The following MYH11 variants were observed in gnomAD, a reference collection of about 807,000 sequenced individuals.
MYH11 encodes myosin-11.
MYH11 carries 80 observed loss-of-function variants against 246.6 expected under a neutral mutation model. The observed-to-expected ratio is 0.32, with a 90% CI of 0.27 to 0.39. The LOEUF is 0.39. Among genes scored for constraint, MYH11 ranks in the 10% least tolerant of loss-of-function variants. The pLI is 1.00. For missense variants in MYH11, 2,158 were observed against 2,546.8 expected (o/e 0.85, Z 3.29); for synonymous variants, 1,071 against 1,015.5 (o/e 1.05, Z -1.04).
At position 15,750,166 on chromosome 16, in the gene MYH11, C is replaced by T. The variant is rs1478913138; in HGVS notation, c.2030G>A (p.Arg677His). The change falls in exon 16 of 41, where the codon CGC (arginine) becomes CAC (histidine). Residue 677 changes from arginine to histidine, a missense_variant. Transcript: ENST00000300036. This position sits in a 1 kb window ranked among gnomAD's most constrained non-coding sequence, Gnocchi z 4.3. ...TLRNTTPNFVRCIIPNHEKRS... is the reference protein window; with the variant it reads ...TLRNTTPNFVHCIIPNHEKRS... ...CTTCTCGTGGTTGGGGATGATGCAGCGCACGAAGTTGGGCGTGGTGTTGCG... is the reference window on the plus strand; with the variant it reads ...CTTCTCGTGGTTGGGGATGATGCAGTGCACGAAGTTGGGCGTGGTGTTGCG... 1.2e-6 allele frequency: 2 copies of T among 1,614,218 alleles called. No individual in the cohort carries two copies. The highest frequency in any genetic ancestry group is 1.7e-6 in the Non-Finnish European group (2 of 1,180,046).
At position 15,750,041 on chromosome 16, in the gene MYH11, CG is replaced by C; in HGVS notation, c.2058+96del. On this transcript the variant is annotated intron_variant, in intron 16 of 40. Transcript: ENST00000300036. The surrounding 1 kb of genome is among the most constrained non-coding windows in gnomAD (Gnocchi z 4.3). ...TTCCCCACATGGAAAATGGGGTCCTCGGGGTAGGTGGGGGCAGAGGGCGCCC... is the reference window on the plus strand; with the variant it reads ...TTCCCCACATGGAAAATGGGGTCCTCGGGTAGGTGGGGGCAGAGGGCGCCC... 6.9e-7 allele frequency: 1 copy of C among 1,450,646 alleles called. No homozygotes were observed. Among genetic ancestry groups the C allele is most frequent in the Non-Finnish European group, 9.5e-7 (1 of 1,048,314 alleles). The allele number at this position is 1,450,646 out of a possible 1,614,324, so 89.9% of individuals were successfully genotyped here.
chr16:15,824,483 A>G (rs902467353), intron 2 of MYH11, among the ~76,000 whole-genome samples: 2 of 151,868 alleles, frequency 1.3e-5, no homozygotes, highest in Admixed American at 6.6e-5. Flanking sequence ...GTTTCACCAT[A>G]TTGCCCAGGC....
intron 40 of MYH11, among the ~76,000 whole-genome samples, chr16:15,706,810 A>C (rs2039481850): frequency 6.6e-6 from 1 of 152,202 alleles, no homozygotes; most frequent in Admixed American, 6.5e-5. Flanking sequence ...CTATTTGCTA[A>C]CTGGAAAAGC....
chr16:15,721,839 CTTG>C (rs1006131586), intron 31 of MYH11, among the ~76,000 whole-genome samples: 3 of 151,972 alleles, frequency 2.0e-5, no homozygotes, highest in Non-Finnish European at 4.4e-5. Flanking sequence ...AATCAGCTGA[CTTG>C]TTTTTTTTTG....
intron 6 of MYH11, among the ~76,000 whole-genome samples, chr16:15,781,134 G>A (rs1427875297): frequency 6.6e-6 from 1 of 152,168 alleles, no homozygotes; most frequent in Non-Finnish European, 1.5e-5. Flanking sequence ...TCAAACTCTT[G>A]AGCTCAAGTG....
chr16:15,745,268 T>A, intron 19 of MYH11, 31 bp from the exon 20 acceptor site: 1,629 of 1,140,818 alleles, frequency 1.4e-3, no homozygotes, highest in Non-Finnish European at 2.0e-3. Context: ...GGTGCGGGGG[T>A]CATGAAGCCA....
chr16:15,830,289 A>G (rs779433464), intron 2 of MYH11, among the ~76,000 whole-genome samples: 1 of 152,204 alleles, frequency 6.6e-6, no homozygotes, highest in Non-Finnish European at 1.5e-5. Context: ...ACGGCTTTCT[A>G]AATACCCAAC....
intron 27 of MYH11, 57 bp from the exon 28 acceptor site, chr16:15,727,111 T>G: frequency 6.5e-7 from 1 of 1,534,058 alleles, no homozygotes; most frequent in Non-Finnish European, 9.0e-7. Context: ...GGAGAACGTT[T>G]CAGGCCCTGC....
At chr16:15,761,668 T>C (rs1294438391) in intron 10 of MYH11, among the ~76,000 whole-genome samples, 2 of 152,210 alleles carry the variant, frequency 1.3e-5, no homozygotes, top group Admixed American at 1.3e-4. Flanking sequence ...ACATGCTGCT[T>C]TGCATGTGCA....
At chr16:15,845,684 G>A (rs1444360526) in intron 1 of MYH11, among the ~76,000 whole-genome samples, 1 of 151,414 alleles carries the variant, frequency 6.6e-6, no homozygotes, top group Non-Finnish European at 1.5e-5. Flanking sequence ...TTAAGGTGTC[G>A]CAGCAGATCG....
chr16:15,749,149 CTTTTTTTTTT>C (rs74269305), intron 16 of MYH11: 1 of 136,336 alleles, frequency 7.3e-6, no homozygotes, highest in Non-Finnish European at 1.6e-5. Context: ...ATTTTCTTTC[CTTTTTTTTTT>C]TTTTTTTTAA....
intron 31 of MYH11, among the ~76,000 whole-genome samples, chr16:15,723,662 A>G (rs905585363): frequency 2.0e-5 from 3 of 152,266 alleles, no homozygotes; most frequent in Admixed American, 2.0e-4. Context: ...AGTATCTGAT[A>G]AAGTTCATAT....
At chr16:15,727,357 T>C (rs2040820356) in intron 27 of MYH11, among the ~76,000 whole-genome samples, 1 of 152,052 alleles carries the variant, frequency 6.6e-6, no homozygotes, top group Non-Finnish European at 1.5e-5. Context: ...CCCGCCACCA[T>C]GCCCGACTAA....
chr16:15,776,200 T>G lies in MYH11; in HGVS notation c.791-24A>C, dbSNP rs544041789. 2.6e-6 allele frequency: 4 copies of G among 1,535,526 alleles called. No individual in the cohort carries two copies. The African/African-American group carries it at 5.4e-5, about 21-fold the overall frequency. On this transcript the variant is annotated intron_variant, in intron 7 of 40. Transcript: ENST00000300036. Reference sequence around the variant, plus strand: ...ATCTGGTTTGGAGGGAGTTAGGGATTCTGGGGATACTGCGGGTGTTCCTCT... The same window carrying G: ...ATCTGGTTTGGAGGGAGTTAGGGATGCTGGGGATACTGCGGGTGTTCCTCT...
At chr16:15,782,347 A>G (rs1368017745) in intron 6 of MYH11, 38 bp downstream of exon 6, 3 of 1,591,240 alleles carry the variant, frequency 1.9e-6, no homozygotes, top group Non-Finnish European at 2.6e-6. Flanking sequence ...GATGACACCA[A>G]AGCTTTTCTG....
Position 15,714,903 on chromosome 16 carries a change from C to G in MYH11, c.5786+6G>C, listed in dbSNP as rs766417351. 5 of 1,613,464 alleles carry G rather than the reference C, an allele frequency of 3.1e-6. No homozygotes were observed. Among genetic ancestry groups the G allele is most frequent in the African/African-American group, 1.3e-5 (1 of 74,926 alleles). ...ACGGGGTCCTCCCGGGCCACGGGCT[C>G]CTCACCTGAGCTTGCTCTTGAGTGC... On this transcript the variant is annotated splice_donor_region_variant and intron_variant, in intron 40 of 40. Coordinates refer to ENST00000300036, the MANE Select transcript of MYH11 (RefSeq NM_002474.3).
chr16:15,845,728 G>C (rs2044173462), intron 1 of MYH11, among the ~76,000 whole-genome samples: 1 of 148,052 alleles, frequency 6.8e-6, no homozygotes, highest in African/African-American at 2.4e-5. Context: ...GAGAGAAAAA[G>C]AAGGAGAGAG....
Position 15,703,965 on chromosome 16 carries a change from C to T in MYH11, c.*26G>A, listed in dbSNP as rs377591580. 3.1e-6 allele frequency: 5 copies of T among 1,613,400 alleles called. No homozygotes were observed. The highest frequency in any genetic ancestry group is 2.7e-5 in the African/African-American group (2 of 74,800). On this transcript the variant is annotated 3_prime_UTR_variant, in exon 41 of 41. Coordinates refer to ENST00000300036, the MANE Select transcript of MYH11 (RefSeq NM_002474.3). ...TTGTTTTGGTTTTTGGTTTTCTTGCCGTGGTGCAAAACTGTAGAAAGTTGC... is the reference window on the plus strand; with the variant it reads ...TTGTTTTGGTTTTTGGTTTTCTTGCTGTGGTGCAAAACTGTAGAAAGTTGC...
chr16:15,799,108 C>T lies in MYH11; in HGVS notation c.503-421G>A, dbSNP rs1275907827. On this transcript the variant is annotated intron_variant, in intron 3 of 40. Coordinates refer to ENST00000300036, the MANE Select transcript of MYH11 (RefSeq NM_002474.3). Reference sequence around the variant, plus strand: ...AAACTCCATGCCTCAGTTCCTTCATCTGTAATATAGTATTGTGCACATTTG... The same window carrying T: ...AAACTCCATGCCTCAGTTCCTTCATTTGTAATATAGTATTGTGCACATTTG... Among the ~76,000 whole-genome samples, 7 of 152,200 alleles carry T rather than the reference C, an allele frequency of 4.6e-5. No homozygotes were observed. In the East Asian group the frequency reaches 1.3e-3, roughly 29 times the overall value.
Sources: allele counts gnomAD v4.1 joint callset (sites outside exome capture counted in the v4.1 genomes callset), GRCh38; gene constraint gnomAD v4.1.1; non-coding constraint Gnocchi (gnomAD v3.1); transcripts MANE v1.5; gene names NCBI Gene and HGNC (gene_info 2026-07-23, HGNC 2026-07-21).